ADAMTSL1: variants seen among roughly 807,000 people sequenced by gnomAD.
ADAMTSL1 encodes ADAMTS-like protein 1.
A neutral mutation model predicts 201.8 loss-of-function variants in ADAMTSL1; 126 were observed. That is an observed-to-expected ratio of 0.62 (90% CI 0.54 to 0.72). ADAMTSL1 has a LOEUF of 0.72. Among genes scored for constraint, ADAMTSL1 ranks in the 30% least tolerant of loss-of-function variants. The pLI, the probability that ADAMTSL1 is intolerant of heterozygous loss-of-function variation, is 0.00. For synonymous variants in ADAMTSL1, 1,121 were observed against 903.4 expected, an observed-to-expected ratio of 1.24 and a Z score of -4.32; for missense variants, 2,679 against 2,277.8, an observed-to-expected ratio of 1.18 and a Z score of -3.59.
At chr9:18,061,908 T>A (rs1822473281) in intron 1 of ADAMTSL1, among the ~76,000 whole-genome samples, 2 of 152,214 alleles carry the variant, frequency 1.3e-5, no homozygotes, top group Non-Finnish European at 2.9e-5. Context: ...GCAAAATGAT[T>A]GAGCATTTGT....
intron 1 of ADAMTSL1, among the ~76,000 whole-genome samples, chr9:18,099,024 C>T (rs565132719): frequency 5.0e-4 from 76 of 151,178 alleles, no homozygotes; most frequent in African/African-American, 1.8e-3. Flanking sequence ...TTATCATTTA[C>T]GGTGGGAGGA....
At chr9:18,306,459 G>C (rs1422222589) in intron 2 of ADAMTSL1, among the ~76,000 whole-genome samples, 1 of 152,158 alleles carries the variant, frequency 6.6e-6, no homozygotes, top group Non-Finnish European at 1.5e-5. Context: ...AAAGGTTAGA[G>C]AAATTGCTAA....
Position 18,905,771 on chromosome 9 carries a change from C to T in ADAMTSL1, c.4852-11C>T. 1 of 1,608,632 alleles carries T rather than the reference C, an allele frequency of 6.2e-7. No individual in the cohort carries two copies. On this transcript the variant is annotated splice_polypyrimidine_tract_variant and intron_variant, in intron 26 of 28. Coordinates refer to ENST00000380548, the MANE Select transcript of ADAMTSL1 (RefSeq NM_001040272.6). Reference sequence around the variant, plus strand: ...CTAATGTGCGGTATGTTACCTTTTTCTGCTTTCCAGTGCAATGGGCCTTGC... The same window carrying T: ...CTAATGTGCGGTATGTTACCTTTTTTTGCTTTCCAGTGCAATGGGCCTTGC...
rs140019194 is a variant in ADAMTSL1, at chr9:18,359,997, G to A, written c.208-144832G>A. ...AATGTTAACCCTCCATAATTATTGT[G>A]CAGATTAGAGATTAAAACATCTAGC... On this transcript the variant is annotated intron_variant, in intron 2 of 29. Coordinates refer to the ADAMTSL1 transcript ENST00000680146. Among the ~76,000 whole-genome samples the A allele has an allele frequency of 4.6e-5, 7 of 152,140 alleles. No individual in the cohort carries two copies. In the East Asian group the frequency reaches 9.7e-4, roughly 21 times the overall value.
chr9:18,621,335 A>G (rs1826020105), intron 4 of ADAMTSL1, among the ~76,000 whole-genome samples: 1 of 152,184 alleles, frequency 6.6e-6, no homozygotes, highest in Non-Finnish European at 1.5e-5. Context: ...TGGACCGGGC[A>G]TAAATGTTTC....
At chr9:18,152,981 C>T (rs1397300151) in intron 1 of ADAMTSL1, among the ~76,000 whole-genome samples, 1 of 151,968 alleles carries the variant, frequency 6.6e-6, no homozygotes, top group African/African-American at 2.4e-5. Context: ...GGCCAATGTC[C>T]TTCTTAAAGT....
At chr9:18,524,243 T>C (rs964993078) in intron 2 of ADAMTSL1, among the ~76,000 whole-genome samples, 2 of 152,210 alleles carry the variant, frequency 1.3e-5, no homozygotes, top group African/African-American at 4.8e-5. Context: ...TCTCTGTTTG[T>C]CTGTTATTGG....
chr9:18,301,115 A>G (rs1833693441), intron 2 of ADAMTSL1, among the ~76,000 whole-genome samples: 1 of 152,244 alleles, frequency 6.6e-6, no homozygotes, highest in Admixed American at 6.5e-5. Context: ...AACTTATTTC[A>G]TCAATCCAAG....
chr9:18,369,725 T>C (rs561124014), intron 2 of ADAMTSL1, among the ~76,000 whole-genome samples: 1 of 152,268 alleles, frequency 6.6e-6, no homozygotes, highest in East Asian at 1.9e-4. Flanking sequence ...CTATTCACAA[T>C]AGCAGAGTCA....
At chr9:18,588,898 T>TATAC (rs60682676) in intron 4 of ADAMTSL1, among the ~76,000 whole-genome samples, 41,227 of 135,606 alleles carry the variant, frequency 0.3, 6,860 homozygotes, top group East Asian at 0.51. Flanking sequence ...TATATATATA[T>TATAC]ATATACATAT....
intron 9 of ADAMTSL1, among the ~76,000 whole-genome samples, chr9:18,668,825 C>G (rs1490612341): frequency 6.6e-6 from 1 of 152,164 alleles, no homozygotes; most frequent in African/African-American, 2.4e-5. Flanking sequence ...CATCCATTAT[C>G]TTATTTAGTT....
chr9:17,918,484 G>T (rs1299658731), intron 1 of ADAMTSL1, among the ~76,000 whole-genome samples: 1 of 151,814 alleles, frequency 6.6e-6, no homozygotes, highest in Non-Finnish European at 1.5e-5. Flanking sequence ...ATTGCAGTGT[G>T]ATTAGATGAC....
At position 18,415,719 on chromosome 9, in the gene ADAMTSL1, A is replaced by T. The variant is rs201021642; in HGVS notation, c.208-89110A>T. On this transcript the variant is annotated intron_variant, in intron 2 of 29. Coordinates refer to the ADAMTSL1 transcript ENST00000680146. The stretch of plus-strand genomic sequence containing the variant: ...AATCTCAACAAACTCTAAGGACAAA[A>T]AACATGAAGGAAGCTACACTAAGTC... 2.0e-5 allele frequency among the ~76,000 whole-genome samples: 3 copies of T among 152,126 alleles called. No homozygotes were observed. The East Asian group carries it at 5.8e-4, about 29-fold the overall frequency.
At chr9:18,291,958 A>G (rs117161783) in intron 2 of ADAMTSL1, among the ~76,000 whole-genome samples, 1,862 of 152,170 alleles carry the variant, frequency 0.012, 22 homozygotes, top group African/African-American at 0.028. Context: ...TATTTTAAGA[A>G]TTGTATCCAT....
At chr9:18,782,478 T>C (rs1436411076) in intron 19 of ADAMTSL1, among the ~76,000 whole-genome samples, 1 of 152,234 alleles carries the variant, frequency 6.6e-6, no homozygotes, top group African/African-American at 2.4e-5. Context: ...TTTTATTCTC[T>C]GATATGTTAC....
At chr9:18,080,092 A>G (rs1823424161) in intron 1 of ADAMTSL1, among the ~76,000 whole-genome samples, 1 of 152,164 alleles carries the variant, frequency 6.6e-6, no homozygotes, top group Non-Finnish European at 1.5e-5. Flanking sequence ...AGAATGGAGG[A>G]AGAGGTAATG....
chr9:18,147,825 C>T (rs1001279127), intron 1 of ADAMTSL1, among the ~76,000 whole-genome samples: 5 of 151,990 alleles, frequency 3.3e-5, no homozygotes, highest in Non-Finnish European at 7.4e-5. Flanking sequence ...GTTCAGAGCA[C>T]ATCATTATAT....
chr9:18,412,204 T>C lies in ADAMTSL1; in HGVS notation c.208-92625T>C, dbSNP rs78519169. 9.3e-3 allele frequency among the ~76,000 whole-genome samples: 1,409 copies of C among 152,300 alleles called. 24 individuals are homozygous for C. The highest frequency in any genetic ancestry group is 0.032 in the African/African-American group (1,343 of 41,566). On this transcript the variant is annotated intron_variant, in intron 2 of 29. Coordinates refer to the ADAMTSL1 transcript ENST00000680146. ...AGGCATTATTTAATTTAGGTTCCGT[T>C]TTTCCGGCAAGAACACTTCATAAGT...
At chr9:18,204,372 A>C (rs749556745) in intron 2 of ADAMTSL1, among the ~76,000 whole-genome samples, 13 of 152,020 alleles carry the variant, frequency 8.6e-5, no homozygotes, top group Admixed American at 2.0e-4. Context: ...CTTGTGAAGA[A>C]GGTGCCTTAC....
Sources: allele counts gnomAD v4.1 joint callset (sites outside exome capture counted in the v4.1 genomes callset), GRCh38; gene constraint gnomAD v4.1.1; transcripts MANE v1.5; gene names NCBI Gene and HGNC (gene_info 2026-07-23, HGNC 2026-07-21).